Variants in SRGAP1 observed in about 807,000 individuals in gnomAD.
The protein encoded by SRGAP1 is SLIT-ROBO Rho GTPase-activating protein 1.
A neutral mutation model predicts 121.9 loss-of-function variants in SRGAP1; 43 were observed. That is an observed-to-expected ratio of 0.35 (90% CI 0.28 to 0.46). SRGAP1 has a LOEUF of 0.46. Ranked by LOEUF, SRGAP1 falls within the 20% of genes least tolerant of loss-of-function variation. The pLI is 1.00. For missense variants in SRGAP1, 1,102 were observed against 1,350.9 expected (o/e 0.82, Z 2.89); for synonymous variants, 447 against 485.4 (o/e 0.92, Z 1.04).
intron 1 of SRGAP1, among the ~76,000 whole-genome samples, chr12:63,880,115 A>C (rs1185904474): frequency 6.6e-6 from 1 of 152,102 alleles, no homozygotes; most frequent in Non-Finnish European, 1.5e-5. Context: ...TATAAAGGGC[A>C]GTTCCCCTGC....
intron 16 of SRGAP1, 149 bp downstream of exon 16, chr12:64,109,186 T>G (rs112675480): frequency 1.6e-5 from 7 of 447,102 alleles, no homozygotes; most frequent in Middle Eastern, 3.3e-4. Context: ...AAGGTACATT[T>G]TTCCTCAGCA....
intron 8 of SRGAP1, among the ~76,000 whole-genome samples, chr12:64,073,846 C>T (rs958274156): frequency 4.7e-5 from 7 of 147,660 alleles, no homozygotes; most frequent in African/African-American, 7.4e-5. Context: ...ATTCTTTTTG[C>T]GTTTTTTGGT....
rs1057284909 is a variant in SRGAP1, at chr12:63,972,788, T to A, written c.68-11159T>A. ...ATGACATTCAGGAAATACTAGGAAA[T>A]TAGTTTTAGGCATTTAGCTAGTTTT... On this transcript the variant is annotated intron_variant, in intron 1 of 21. Transcript: ENST00000355086. Among the ~76,000 whole-genome samples, 4 of 152,128 alleles carry A rather than the reference T, an allele frequency of 2.6e-5. No individual in the cohort carries two copies. The East Asian group carries it at 7.7e-4, about 29-fold the overall frequency.
intron 10 of SRGAP1, among the ~76,000 whole-genome samples, chr12:64,085,538 C>T (rs1428675977): frequency 6.6e-6 from 1 of 152,086 alleles, no homozygotes; most frequent in African/African-American, 2.4e-5. Context: ...TATCTCCAGC[C>T]CTGTCTTTTC....
chr12:64,091,799 G>A, intron 12 of SRGAP1: 1 of 856,182 alleles, frequency 1.2e-6, no homozygotes, highest in Non-Finnish European at 1.7e-6. Flanking sequence ...TCATTATATT[G>A]AATGAATTGT....
chr12:63,941,229 AG>A (rs1286799910), intron 1 of SRGAP1, among the ~76,000 whole-genome samples: 1 of 152,000 alleles, frequency 6.6e-6, no homozygotes, highest in Non-Finnish European at 1.5e-5. Flanking sequence ...GCGCTTTTGC[AG>A]TTTGGTACAA....
Position 64,062,914 on chromosome 12 carries a change from A to C in SRGAP1, c.802-3A>C. 1 of 1,600,822 alleles carries C rather than the reference A, an allele frequency of 6.2e-7. No homozygotes were observed. Among genetic ancestry groups the C allele is most frequent in the Non-Finnish European group, 8.5e-7 (1 of 1,172,694 alleles). On this transcript the variant is annotated splice_region_variant and splice_polypyrimidine_tract_variant and intron_variant, in intron 6 of 21. Coordinates refer to ENST00000355086, the MANE Select transcript of SRGAP1 (RefSeq NM_020762.4). The stretch of plus-strand genomic sequence containing the variant: ...TGTATGTGGTGTTCTTTTACTTTTT[A>C]AGTGCTGTGATCTTGGCTACCATGC...
chr12:64,085,945 T>C (rs991775225), intron 10 of SRGAP1, among the ~76,000 whole-genome samples: 3 of 152,166 alleles, frequency 2.0e-5, no homozygotes, highest in African/African-American at 7.2e-5. Flanking sequence ...ATTTAATCAA[T>C]AGATATTAAC....
intron 3 of SRGAP1, among the ~76,000 whole-genome samples, chr12:63,991,378 C>T (rs1364574903): frequency 6.6e-6 from 1 of 152,154 alleles, no homozygotes; most frequent in African/African-American, 2.4e-5. Flanking sequence ...GATGTATCCA[C>T]ATTAGATTTG....
chr12:64,084,455 G>A (rs1162122064), intron 10 of SRGAP1, among the ~76,000 whole-genome samples: 1 of 152,172 alleles, frequency 6.6e-6, no homozygotes, highest in Non-Finnish European at 1.5e-5. Context: ...CTGGGAAGAA[G>A]AGTCTTCTAA....
chr12:64,044,126 G>T (rs538054618), intron 6 of SRGAP1, among the ~76,000 whole-genome samples: 2 of 152,234 alleles, frequency 1.3e-5, no homozygotes, highest in East Asian at 3.9e-4. Context: ...CATAGGATAT[G>T]ATATAAAAAA....
At chr12:64,049,252 A>G (rs139877020) in intron 6 of SRGAP1, among the ~76,000 whole-genome samples, 1 of 152,298 alleles carries the variant, frequency 6.6e-6, no homozygotes, top group Non-Finnish European at 1.5e-5. Flanking sequence ...CATTTATTGA[A>G]GAGACCTTTC....
At chr12:63,919,905 T>G (rs1328999150) in intron 1 of SRGAP1, among the ~76,000 whole-genome samples, 1 of 152,190 alleles carries the variant, frequency 6.6e-6, no homozygotes, top group Non-Finnish European at 1.5e-5. Context: ...CATTGCCCTG[T>G]TGGTGGATAT....
intron 1 of SRGAP1, among the ~76,000 whole-genome samples, chr12:63,856,418 ATCT>A (rs1899253560): frequency 6.6e-6 from 1 of 152,182 alleles, no homozygotes; most frequent in Non-Finnish European, 1.5e-5. Flanking sequence ...TGTCTGTGTC[ATCT>A]TCTAAATGTT....
At chr12:64,061,433 A>G (rs1474945110) in intron 6 of SRGAP1, among the ~76,000 whole-genome samples, 1 of 152,244 alleles carries the variant, frequency 6.6e-6, no homozygotes, top group Non-Finnish European at 1.5e-5. Flanking sequence ...ACAGATTTCA[A>G]TAAATGATTG....
At chr12:64,071,879 CA>C (rs55972451) in intron 8 of SRGAP1, among the ~76,000 whole-genome samples, 17,533 of 147,550 alleles carry the variant, frequency 0.12, 1,166 homozygotes, top group South Asian at 0.31. Flanking sequence ...CACCCCCCCC[CA>C]AAAAAAAAAG....
chr12:63,979,972 G>A (rs2033203159), intron 1 of SRGAP1, among the ~76,000 whole-genome samples: 1 of 152,204 alleles, frequency 6.6e-6, no homozygotes. Flanking sequence ...GATGACAGTG[G>A]TGCCTCTAGC....
intron 21 of SRGAP1, among the ~76,000 whole-genome samples, chr12:64,135,682 A>G (rs929707102): frequency 2.0e-5 from 3 of 152,196 alleles, no homozygotes; most frequent in African/African-American, 7.2e-5. Flanking sequence ...TATTAGAAGT[A>G]AAGTCCTTAG....
rs926003512 is a variant in SRGAP1 at position 64,147,819 on chromosome 12, T to TAAG, written c.*5149_*5151dup. The TAAG allele has an allele frequency of 3.0e-5, 12 of 397,130 alleles. No individual in the cohort carries two copies. The Admixed American group carries it at 3.1e-4, about 10-fold the overall frequency. 24.6% of individuals were successfully genotyped at this position (397,130 alleles called of 1,614,324 possible). A position where few individuals can be genotyped will look rare whatever the true frequency, so the allele number is the denominator to read the frequency against. ...CTTCACGGTGTATCTTTATAATAAA[T>TAAG]AAGATAGTTCTGGCTGCCTTTGTCT... On this transcript the variant is annotated 3_prime_UTR_variant, in exon 22 of 22. Transcript: ENST00000355086.
Sources: allele counts gnomAD v4.1 joint callset (sites outside exome capture counted in the v4.1 genomes callset), GRCh38; gene constraint gnomAD v4.1.1; transcripts MANE v1.5; gene names NCBI Gene and HGNC (gene_info 2026-07-23, HGNC 2026-07-21).